Variants in PMPCB observed in about 807,000 individuals in gnomAD.
The protein encoded by PMPCB is mitochondrial-processing peptidase subunit beta.
A neutral mutation model predicts 61.5 loss-of-function variants in PMPCB; 46 were observed. The observed-to-expected ratio is 0.75, with a 90% CI of 0.59 to 0.96. The LOEUF (loss-of-function observed/expected upper bound fraction) is 0.96. Among genes scored for constraint, PMPCB ranks in the 40% least tolerant of loss-of-function variants. The probability of loss-of-function intolerance (pLI) is 0.00; values close to 1 mark genes in which losing one functional copy is unlikely to be tolerated. For synonymous variants in PMPCB, 191 were observed against 201.6 expected, an observed-to-expected ratio of 0.95 and a Z score of 0.44; for missense variants, 590 against 602.4, an observed-to-expected ratio of 0.98 and a Z score of 0.22.
rs539327109 is a variant in PMPCB at position 103,314,253 on chromosome 7, G to C, written c.*1982G>C. On this transcript the variant is annotated 3_prime_UTR_variant, in exon 13 of 13. Coordinates refer to ENST00000249269, the MANE Select transcript of PMPCB (RefSeq NM_004279.3). Reference sequence around the variant, plus strand: ...AAGTGACATGGCAGTATTTCCTGCTGTTCTCCAGTTACTTCACAATACCAA... The same window carrying C: ...AAGTGACATGGCAGTATTTCCTGCTCTTCTCCAGTTACTTCACAATACCAA... 2 of 985,264 alleles carry C rather than the reference G, an allele frequency of 2.0e-6. No homozygotes were observed. Among genetic ancestry groups the C allele is most frequent in the Non-Finnish European group, 2.4e-6 (2 of 829,924 alleles). 61.0% of individuals were successfully genotyped at this position (985,264 alleles called of 1,614,324 possible). A position where few individuals can be genotyped will look rare whatever the true frequency, so the allele number is the denominator to read the frequency against.
chr7:103,318,018 C>T (rs151138127), downstream of PMPCB, among the ~76,000 whole-genome samples: 43 of 152,274 alleles, frequency 2.8e-4, no homozygotes, highest in Admixed American at 1.4e-3. Flanking sequence ...TATCCACAAA[C>T]GTCAGATTAG....
rs371029071 is a variant in PMPCB, at chr7:103,326,681, T to A, written c.*1432-2250T>A. Reference sequence around the variant, plus strand: ...TTTCACTGGATCAGATAACATTTCATAAGCTGAGAAAAAAATTGTTAAGAT... The same window carrying A: ...TTTCACTGGATCAGATAACATTTCAAAAGCTGAGAAAAAAATTGTTAAGAT... On this transcript the variant is annotated intron_variant and NMD_transcript_variant, in intron 12 of 12. Coordinates refer to the PMPCB transcript ENST00000444457. 29 of 1,598,918 alleles carry A rather than the reference T, an allele frequency of 1.8e-5. No homozygotes were observed. The African/African-American group carries it at 3.5e-4, about 19-fold the overall frequency.
chr7:103,322,906 C>G, intron 12 of PMPCB: 1 of 853,064 alleles, frequency 1.2e-6, no homozygotes, highest in Admixed American at 2.6e-5. Context: ...GGTTAAAATG[C>G]TGTGTCATTA....
the PMPCB span, chr7:103,344,822 A>T: frequency 1.6e-6 from 1 of 607,790 alleles, no homozygotes; most frequent in African/African-American, 1.9e-5. Flanking sequence ...ACACCCTCCC[A>T]CCCCCGCCAA....
downstream of PMPCB, among the ~76,000 whole-genome samples, chr7:103,330,748 C>A (rs150809761): frequency 4.1e-3 from 568 of 139,416 alleles, 4 homozygotes; most frequent in African/African-American, 0.017. Context: ...TCACACCCAG[C>A]TCTTTTTTTT....
chr7:103,314,497 C>A lies in PMPCB; in HGVS notation c.*2226C>A. 1 of 985,344 alleles carries A rather than the reference C, an allele frequency of 1.0e-6. No homozygotes were observed. The highest frequency in any genetic ancestry group is 1.2e-6 in the Non-Finnish European group (1 of 829,906). 61.0% of individuals were successfully genotyped at this position (985,344 alleles called of 1,614,324 possible). ...AGCAGACTGGACAAATATCAGGGCC[C>A]ACCTCCCTCCAACATGGAAACAAGT... On this transcript the variant is annotated 3_prime_UTR_variant, in exon 13 of 13. Transcript: ENST00000249269.
At chr7:103,344,773 C>T in the PMPCB span, 1 of 700,610 alleles carries the variant, frequency 1.4e-6, no homozygotes, top group Non-Finnish European at 2.4e-6. Context: ...CCAGTAAGCA[C>T]TTCCGGGATG....
intron 6 of PMPCB, among the ~76,000 whole-genome samples, chr7:103,305,561 C>T (rs952290569): frequency 6.6e-6 from 1 of 152,106 alleles, no homozygotes; most frequent in Admixed American, 6.6e-5. Context: ...ACCTGGTCTC[C>T]AGTTTTCATT....
chr7:103,305,172 A>G (rs1011204927), intron 6 of PMPCB, among the ~76,000 whole-genome samples: 1 of 152,170 alleles, frequency 6.6e-6, no homozygotes, highest in Non-Finnish European at 1.5e-5. Flanking sequence ...GGGTATGTTC[A>G]TTCTTTGATT....
intron 12 of PMPCB, among the ~76,000 whole-genome samples, chr7:103,320,521 G>A (rs1040416216): frequency 1.3e-5 from 2 of 151,794 alleles, no homozygotes; most frequent in Non-Finnish European, 2.9e-5. Context: ...AGCACTTTGG[G>A]AGGCCGAGGC....
chr7:103,346,137 T>C, the PMPCB span, among the ~76,000 whole-genome samples: 6 of 150,258 alleles, frequency 4.0e-5, no homozygotes, highest in Non-Finnish European at 7.4e-5. Context: ...TGTTTTTTTG[T>C]TGTTTTCTTT....
chr7:103,338,770 C>G, the PMPCB span, among the ~76,000 whole-genome samples: 4 of 151,558 alleles, frequency 2.6e-5, no homozygotes, highest in Non-Finnish European at 5.9e-5. Flanking sequence ...ATTAGCCGGG[C>G]GTGGTGGCGC....
intron 12 of PMPCB, chr7:103,327,892 T>C (rs1818790651): frequency 5.4e-6 from 3 of 553,582 alleles, no homozygotes; most frequent in Non-Finnish European, 9.4e-6. Context: ...GCTTATTCAA[T>C]GTGAAAATTA....
rs769751924 is a variant in PMPCB, at chr7:103,310,367, G to T, written c.1046G>T (p.Ser349Ile). 1 of 1,613,578 alleles carries T rather than the reference G, an allele frequency of 6.2e-7. No homozygotes were observed. The highest frequency in any genetic ancestry group is 8.5e-7 in the Non-Finnish European group (1 of 1,179,608). ...QLTCHGNLCHSFQSFNTSYTD... is the reference protein window; with the variant it reads ...QLTCHGNLCHIFQSFNTSYTD... ...ACTTGTCATGGCAATCTTTGCCATA[G>T]CTTTCAGTCTTTCAACACTTCCTAC... The change falls in exon 9 of 13, where the codon AGC becomes ATC. Residue 349 changes from serine to isoleucine, a missense_variant. Ser to Ile is a moderately radical substitution (Grantham distance 142). Coordinates refer to ENST00000249269, the MANE Select transcript of PMPCB (RefSeq NM_004279.3).
chr7:103,344,790 T>C, the PMPCB span: 17 of 667,166 alleles, frequency 2.5e-5, no homozygotes, highest in South Asian at 3.5e-5. Context: ...GATGGATCTT[T>C]CGTGGTGTGG....
the PMPCB span, among the ~76,000 whole-genome samples, chr7:103,345,577 A>G: frequency 6.6e-6 from 1 of 151,048 alleles, no homozygotes; most frequent in South Asian, 2.1e-4. Flanking sequence ...TAATTTCATT[A>G]TATTTTCACA....
downstream of PMPCB, among the ~76,000 whole-genome samples, chr7:103,334,408 C>A (rs938166550): frequency 6.6e-6 from 1 of 151,346 alleles, no homozygotes; most frequent in African/African-American, 2.4e-5. Context: ...CTAAAAAATA[C>A]GAAAATTAGT....
downstream of PMPCB, chr7:103,319,567 T>A (rs1332963867): frequency 1.3e-6 from 2 of 1,587,066 alleles, no homozygotes; most frequent in African/African-American, 2.7e-5. Flanking sequence ...AAAGCAGAAT[T>A]AAATGCTACA....
the PMPCB span, among the ~76,000 whole-genome samples, chr7:103,341,374 A>G: frequency 3.3e-5 from 5 of 152,216 alleles, no homozygotes; most frequent in Non-Finnish European, 5.9e-5. Flanking sequence ...TAAAGACACT[A>G]GATTTCTCAT....
Sources: allele counts gnomAD v4.1 joint callset (sites outside exome capture counted in the v4.1 genomes callset), GRCh38; gene constraint gnomAD v4.1.1; transcripts MANE v1.5; gene names NCBI Gene and HGNC (gene_info 2026-07-23, HGNC 2026-07-21).